Variants in CCDC71L observed in about 807,000 individuals in gnomAD.
The protein encoded by CCDC71L is coiled-coil domain-containing protein 71L.
A neutral mutation model predicts 10.2 loss-of-function variants in CCDC71L; 6 were observed. The ratio of observed to expected loss-of-function variants is 0.59; its 90% CI spans 0.32 to 1.16. The LOEUF (loss-of-function observed/expected upper bound fraction) is 1.16, where lower values mean the gene tolerates loss of function less well. CCDC71L is among the 50% of genes most tolerant of loss of function. The pLI, the probability that CCDC71L is intolerant of heterozygous loss-of-function variation, is 0.05. For synonymous variants in CCDC71L, 204 were observed against 175.5 expected, an observed-to-expected ratio of 1.16 and a Z score of -1.28; for missense variants, 366 against 383.4, an observed-to-expected ratio of 0.95 and a Z score of 0.38.
In CCDC71L at chr7:106,657,153, G is replaced by C. The variant is rs896072946; in HGVS notation, c.*3036C>G. 3.9e-5 allele frequency: 6 copies of C among 152,178 alleles called. No homozygotes were observed. Among genetic ancestry groups the C allele is most frequent in the African/African-American group, 1.4e-4 (6 of 41,444 alleles). The allele number at this position is 152,178 out of a possible 1,614,324, so 9.4% of individuals were successfully genotyped here. A position where few individuals can be genotyped will look rare whatever the true frequency, so the allele number is the denominator to read the frequency against. ...TCAGTCACCAGCTTAAGTTACACTT[G>C]TCAATATTCAAACTTGAATAAAATA... On this transcript the variant is annotated 3_prime_UTR_variant, in exon 1 of 1. Transcript: ENST00000523505.
In CCDC71L at chr7:106,659,580, AAC is replaced by A. The variant is rs1216243629; in HGVS notation, c.*607_*608del. On this transcript the variant is annotated 3_prime_UTR_variant, in exon 1 of 1. Transcript: ENST00000523505. Reference sequence around the variant, plus strand: ...AGCCCATACAAATCCTTGCACTACTAACAGTCACAAGCTTGAACCTCTTAAAA... The same window carrying A: ...AGCCCATACAAATCCTTGCACTACTAAGTCACAAGCTTGAACCTCTTAAAA... 5 of 152,600 alleles carry A rather than the reference AAC, an allele frequency of 3.3e-5. No individual in the cohort carries two copies. The highest frequency in any genetic ancestry group is 7.3e-5 in the Non-Finnish European group (5 of 68,032). 9.5% of individuals were successfully genotyped at this position (152,600 alleles called of 1,614,324 possible).
chr7:106,661,135 G>A lies in CCDC71L; in HGVS notation c.-239C>T. 2.2e-6 allele frequency: 1 copy of A among 460,506 alleles called. No homozygotes were observed. The highest frequency in any genetic ancestry group is 3.6e-6 in the Non-Finnish European group (1 of 275,150). 28.5% of individuals were successfully genotyped at this position (460,506 alleles called of 1,614,324 possible). On this transcript the variant is annotated 5_prime_UTR_variant, in exon 1 of 1. Coordinates refer to ENST00000523505, the MANE Select transcript of CCDC71L (RefSeq NM_175884.6). ...TCATTGGACGGCGCCTCGCCCCCCT[G>A]GTTTCTCTTTCTTCTCCTCTCTTGC...
In CCDC71L at chr7:106,660,979, G is replaced by C; in HGVS notation, c.-83C>G. 2 of 1,294,286 alleles carry C rather than the reference G, an allele frequency of 1.5e-6. No individual in the cohort carries two copies. The highest frequency in any genetic ancestry group is 2.0e-6 in the Non-Finnish European group (2 of 1,023,440). 80.2% of individuals were successfully genotyped at this position (1,294,286 alleles called of 1,614,324 possible). On this transcript the variant is annotated 5_prime_UTR_variant, in exon 1 of 1. Transcript: ENST00000523505. The surrounding 1 kb of genome is among the most constrained non-coding windows in gnomAD (Gnocchi z 7.5). ...CAGTCCGCGTTGGCTCCGCGGCGGC[G>C]GCTGCTGCTGGCGTCTCTCGCTACT...
Position 106,660,556 on chromosome 7 carries a change from G to C in CCDC71L, c.341C>G (p.Pro114Arg). 6.6e-7 allele frequency: 1 copy of C among 1,520,194 alleles called. No homozygotes were observed. The allele number at this position is 1,520,194 out of a possible 1,614,324, so 94.2% of individuals were successfully genotyped here. The change falls in exon 1 of 1, where the codon CCC becomes CGC. Residue 114 changes from proline (P) to arginine (R), a missense_variant. Coordinates refer to ENST00000523505, the MANE Select transcript of CCDC71L (RefSeq NM_175884.6). This position sits in a 1 kb window ranked among gnomAD's most constrained non-coding sequence, Gnocchi z 7.5. ...CRALVPDPPGPPTARGQARRP... is the reference protein window; with the variant it reads ...CRALVPDPPGRPTARGQARRP... ...GCGCGCCTGGCCGCGGGCTGTAGGG[G>C]GCCCCGGGGGGTCGGGTACCAGGGC...
At position 106,660,351 on chromosome 7, in the gene CCDC71L, C is replaced by T. The variant is rs994808472; in HGVS notation, c.546G>A (p.Arg182=). ...FGGRTLEEIW[R]AATPTLTTFP... is the part of the protein sequence containing the mutation. The stretch of plus-strand genomic sequence containing the variant: ...AGGTGGTCAGCGTCGGGGTGGCCGC[C>T]CTCCAGATCTCCTCCAAGGTGCGGC... Residue 182 remains arginine (R), a synonymous_variant, in exon 1 of 1, where the codon AGG becomes AGA. Transcript: ENST00000523505. This position sits in a 1 kb window ranked among gnomAD's most constrained non-coding sequence, Gnocchi z 7.5. 6.2e-6 allele frequency: 9 copies of T among 1,452,146 alleles called. No individual in the cohort carries two copies. The highest frequency in any genetic ancestry group is 7.2e-6 in the Non-Finnish European group (8 of 1,109,830). 90.0% of individuals were successfully genotyped at this position (1,452,146 alleles called of 1,614,324 possible).
rs929632922 is a variant in CCDC71L, at chr7:106,660,732, C to T, written c.165G>A (p.Ala55=). ...SQLSLADSTK[A]LGDAFKLFMP... is the part of the protein sequence containing the mutation. The stretch of plus-strand genomic sequence containing the variant: ...TGAAGAGCTTGAAGGCGTCGCCCAG[C>T]GCCTTGGTGCTGTCAGCCAGCGACA... The change falls in exon 1 of 1, where the codon GCG becomes GCA. Residue 55 remains alanine (A), a synonymous_variant. Transcript: ENST00000523505. The surrounding 1 kb of genome is among the most constrained non-coding windows in gnomAD (Gnocchi z 7.5). The T allele has an allele frequency of 2.5e-6, 4 of 1,572,280 alleles. No homozygotes were observed. The highest frequency in any genetic ancestry group is 1.4e-5 in the African/African-American group (1 of 73,730).
In CCDC71L at chr7:106,661,052, G is replaced by T; in HGVS notation, c.-156C>A. The stretch of plus-strand genomic sequence containing the variant: ...CTCCCCCTCCGAGGGCGGAGGACGC[G>T]GGCGAATATCCTGCTGCCCGGTACA... On this transcript the variant is annotated 5_prime_UTR_variant, in exon 1 of 1. Transcript: ENST00000523505. 2 of 1,117,200 alleles carry T rather than the reference G, an allele frequency of 1.8e-6. No individual in the cohort carries two copies. The highest frequency in any genetic ancestry group is 2.3e-6 in the Non-Finnish European group (2 of 860,074). The allele number at this position is 1,117,200 out of a possible 1,614,324, so 69.2% of individuals were successfully genotyped here.
At position 106,660,381 on chromosome 7, in the gene CCDC71L, G is replaced by A. The variant is rs1792569735; in HGVS notation, c.516C>T (p.Phe172=). 3 of 1,356,282 alleles carry A rather than the reference G, an allele frequency of 2.2e-6. No individual in the cohort carries two copies. Among genetic ancestry groups the A allele is most frequent in the Non-Finnish European group, 2.8e-6 (3 of 1,058,798 alleles). 84.0% of individuals were successfully genotyped at this position (1,356,282 alleles called of 1,614,324 possible). A position where few individuals can be genotyped will look rare whatever the true frequency, so the allele number is the denominator to read the frequency against. Residue 172 remains phenylalanine, a synonymous_variant, in exon 1 of 1, where the codon TTC becomes TTT. Coordinates refer to ENST00000523505, the MANE Select transcript of CCDC71L (RefSeq NM_175884.6). This position sits in a 1 kb window ranked among gnomAD's most constrained non-coding sequence, Gnocchi z 7.5. The part of the protein sequence containing the change: ...PAKPVAPGPC[F]GGRTLEEIWR... ...AGATCTCCTCCAAGGTGCGGCCCCC[G>A]AAGCAGGGCCCGGGGGCCACGGGCT...
At position 106,660,163 on chromosome 7, in the gene CCDC71L, G is replaced by C. The variant is rs1478780999; in HGVS notation, c.*26C>G. ...AAGGCCTGTCCCAAGGTCGGGGCCG[G>C]CAGGAGGCGCCCTGGAGGCCGCACC... is the stretch of plus-strand genomic sequence containing the variant. On this transcript the variant is annotated 3_prime_UTR_variant, in exon 1 of 1. Transcript: ENST00000523505. This position sits in a 1 kb window ranked among gnomAD's most constrained non-coding sequence, Gnocchi z 7.5. The C allele has an allele frequency of 2.0e-6, 3 of 1,504,824 alleles. No individual in the cohort carries two copies. The highest frequency in any genetic ancestry group is 4.3e-5 in the Admixed American group (2 of 47,008). 93.2% of individuals were successfully genotyped at this position (1,504,824 alleles called of 1,614,324 possible).
At position 106,654,831 on chromosome 7, in the gene CCDC71L, T is replaced by C. The variant is rs1429246506; in HGVS notation, c.*5358A>G. Among the ~76,000 whole-genome samples the C allele has an allele frequency of 6.6e-6, 1 of 152,116 alleles. No homozygotes were observed. The highest frequency in any genetic ancestry group is 1.9e-4 in the East Asian group (1 of 5,190). ...TTTTGCTTCAATAATTTTTTTACTC[T>C]GTAAGATTTAGAACCCTAAGCCACA... On this transcript the variant is annotated 3_prime_UTR_variant, in exon 1 of 1. Transcript: ENST00000523505.
Position 106,656,495 on chromosome 7 carries a change from C to T in CCDC71L, c.*3694G>A, listed in dbSNP as rs1176793890. Among the ~76,000 whole-genome samples the T allele has an allele frequency of 1.3e-5, 2 of 151,968 alleles. No homozygotes were observed. The highest frequency in any genetic ancestry group is 1.5e-5 in the Non-Finnish European group (1 of 67,956). On this transcript the variant is annotated 3_prime_UTR_variant, in exon 1 of 1. Transcript: ENST00000523505. Reference sequence around the variant, plus strand: ...ATTTAGAGAATTCTGAATTTTGATGCATTTTTTTTTTGTAGGATATTTTAT... The same window carrying T: ...ATTTAGAGAATTCTGAATTTTGATGTATTTTTTTTTTGTAGGATATTTTAT...
Position 106,659,127 on chromosome 7 carries a change from G to A in CCDC71L, c.*1062C>T, listed in dbSNP as rs981291582. 1.3e-5 allele frequency: 2 copies of A among 152,008 alleles called. No homozygotes were observed. The highest frequency in any genetic ancestry group is 3.2e-3 in the Middle Eastern group (1 of 316). 9.4% of individuals were successfully genotyped at this position (152,008 alleles called of 1,614,324 possible). The stretch of plus-strand genomic sequence containing the variant: ...TGGGTATTCTGTTTATCATTTTAGT[G>A]ATAATGTTTACACACATCCATCTCT... On this transcript the variant is annotated 3_prime_UTR_variant, in exon 1 of 1. Transcript: ENST00000523505.
rs1324055118 is a variant in CCDC71L at position 106,654,960 on chromosome 7, C to A, written c.*5229G>T. ...AGTTAATTGTACTACTTGGAAGAAT[C>A]TCAATTTAACTTTTCTATGAATGCT... On this transcript the variant is annotated 3_prime_UTR_variant, in exon 1 of 1. Coordinates refer to ENST00000523505, the MANE Select transcript of CCDC71L (RefSeq NM_175884.6). 6.6e-6 allele frequency among the ~76,000 whole-genome samples: 1 copy of A among 151,974 alleles called. No homozygotes were observed. The highest frequency in any genetic ancestry group is 1.5e-5 in the Non-Finnish European group (1 of 67,970).
At position 106,659,990 on chromosome 7, in the gene CCDC71L, A is replaced by T; in HGVS notation, c.*199T>A. ...GGGTACGGGAGGCAGCAGAGGGCAC[A>T]CCTGCCCCAGCGTCCAAGACGACCG... On this transcript the variant is annotated 3_prime_UTR_variant, in exon 1 of 1. Transcript: ENST00000523505. 1 of 718,926 alleles carries T rather than the reference A, an allele frequency of 1.4e-6. No individual in the cohort carries two copies. The highest frequency in any genetic ancestry group is 2.1e-6 in the Non-Finnish European group (1 of 476,286). The allele number at this position is 718,926 out of a possible 1,614,324, so 44.5% of individuals were successfully genotyped here. A position where few individuals can be genotyped will look rare whatever the true frequency, so the allele number is the denominator to read the frequency against.
rs532345002 is a variant in CCDC71L, at chr7:106,657,326, T to C, written c.*2863A>G. The stretch of plus-strand genomic sequence containing the variant: ...ACATCAAGAATCTCAAAAAGTTATG[T>C]GAGGTGCCGGTCACCACATTTAGGC... On this transcript the variant is annotated 3_prime_UTR_variant, in exon 1 of 1. Transcript: ENST00000523505. 1 of 152,312 alleles carries C rather than the reference T, an allele frequency of 6.6e-6. No individual in the cohort carries two copies. Among genetic ancestry groups the C allele is most frequent in the South Asian group, 2.1e-4 (1 of 4,830 alleles). 9.4% of individuals were successfully genotyped at this position (152,312 alleles called of 1,614,324 possible).
In CCDC71L at chr7:106,654,764, TTCA is replaced by T. The variant is rs1792464081; in HGVS notation, c.*5422_*5424del. On this transcript the variant is annotated 3_prime_UTR_variant, in exon 1 of 1. Coordinates refer to ENST00000523505, the MANE Select transcript of CCDC71L (RefSeq NM_175884.6). ...CATGAGCCTATTGAATTTATGAAAA[TTCA>T]TCAAACTGTACGTTTATATGTACTT... 6.6e-6 allele frequency among the ~76,000 whole-genome samples: 1 copy of T among 152,264 alleles called. No homozygotes were observed. The highest frequency in any genetic ancestry group is 2.4e-5 in the African/African-American group (1 of 41,580).
chr7:106,655,662 CA>C lies in CCDC71L; in HGVS notation c.*4526del, dbSNP rs1473152225. Among the ~76,000 whole-genome samples, 11 of 152,210 alleles carry C rather than the reference CA, an allele frequency of 7.2e-5. No individual in the cohort carries two copies. Among genetic ancestry groups the C allele is most frequent in the African/African-American group, 2.4e-4 (10 of 41,540 alleles). On this transcript the variant is annotated 3_prime_UTR_variant, in exon 1 of 1. Transcript: ENST00000523505. ...ATAAATTCTCAGATAGTTTAAAACA[CA>C]TAACAGTACATTCAAATGTCTTATA...
Position 106,659,879 on chromosome 7 carries a change from C to A in CCDC71L, c.*310G>T. The A allele has an allele frequency of 2.9e-6, 1 of 341,002 alleles. No homozygotes were observed. Among genetic ancestry groups the A allele is most frequent in the South Asian group, 7.1e-5 (1 of 13,998 alleles). 21.1% of individuals were successfully genotyped at this position (341,002 alleles called of 1,614,324 possible). A position where few individuals can be genotyped will look rare whatever the true frequency, so the allele number is the denominator to read the frequency against. On this transcript the variant is annotated 3_prime_UTR_variant, in exon 1 of 1. Transcript: ENST00000523505. ...CCAACAGTGAGAAAACGGATCTGCC[C>A]CTAAGGTCCTGGAGACGTCTCAATC...
At position 106,660,675 on chromosome 7, in the gene CCDC71L, G is replaced by A. The variant is rs779557056; in HGVS notation, c.222C>T (p.Asp74=). 12 of 1,586,444 alleles carry A rather than the reference G, an allele frequency of 7.6e-6. No individual in the cohort carries two copies. Among genetic ancestry groups the A allele is most frequent in the Non-Finnish European group, 9.4e-6 (11 of 1,166,464 alleles). ...MPRSTEFMSS[D]AELWSFLCSL... is the part of the protein sequence containing the mutation. ...TGCAGAGGAAGCTCCAGAGCTCCGC[G>A]TCCGAGCTCATGAACTCCGTGCTGC... Residue 74 remains aspartate (D), a synonymous_variant, in exon 1 of 1, where the codon GAC becomes GAT. Transcript: ENST00000523505. This position sits in a 1 kb window ranked among gnomAD's most constrained non-coding sequence, Gnocchi z 7.5.
Sources: allele counts gnomAD v4.1 joint callset (sites outside exome capture counted in the v4.1 genomes callset), GRCh38; gene constraint gnomAD v4.1.1; non-coding constraint Gnocchi (gnomAD v3.1); transcripts MANE v1.5; gene names NCBI Gene and HGNC (gene_info 2026-07-23, HGNC 2026-07-21).